The following NAV1 variants were observed in gnomAD, a reference collection of about 807,000 sequenced individuals.
The protein encoded by NAV1 is pore membrane and/or filament interacting like protein 3.
NAV1 carries 18 observed loss-of-function variants against 175.2 expected under a neutral mutation model. That is an observed-to-expected ratio of 0.10 (90% confidence interval 0.07 to 0.15). The LOEUF is 0.15. NAV1 is among the 10% of genes least tolerant of loss of function. NAV1 has a pLI of 1.00. For missense variants in NAV1, 1,731 were observed against 2,436.6 expected (o/e 0.71, Z 6.10); for synonymous variants, 897 against 978.7 (o/e 0.92, Z 1.56).
intron 1 of NAV1, among the ~76,000 whole-genome samples, chr1:201,675,437 G>C (rs926179563): frequency 6.6e-6 from 1 of 152,120 alleles, no homozygotes; most frequent in Non-Finnish European, 1.5e-5. Flanking sequence ...TGTAACCTCA[G>C]CTTCCTCTTC....
chr1:201,588,518 A>ATTT lies in NAV1; in HGVS notation c.-143-7_-143-5dup, dbSNP rs58689392. On this transcript the variant is annotated intron_variant, in intron 1 of 33. Coordinates refer to the NAV1 transcript ENST00000685211. Reference sequence around the variant, plus strand: ...AGGTGCCACCACACCCAGCTGATTAATTTTTTTTTTTTTTTTGTAGAGACA... The same window carrying ATTT: ...AGGTGCCACCACACCCAGCTGATTAATTTTTTTTTTTTTTTTTTTGTAGAGACA... 1.4e-3 allele frequency among the ~76,000 whole-genome samples: 190 copies of ATTT among 139,568 alleles called. 5 individuals are homozygous for ATTT. In the South Asian group the frequency reaches 0.034, roughly 25 times the overall value. The allele number at this position is 139,568 out of a possible 152,430, so 91.6% of individuals were successfully genotyped here. A position where few individuals can be genotyped will look rare whatever the true frequency, so the allele number is the denominator to read the frequency against.
At position 201,782,293 on chromosome 1, in the gene NAV1, C is replaced by T. The variant is rs1422341119; in HGVS notation, c.1781C>T (p.Ser594Leu). Reference sequence around the variant, plus strand: ...CTGAGTGATGCTAAGAAGCCCCCCTCGGGCATTGCTCGCCCCTCCACTTCG... The same window carrying T: ...CTGAGTGATGCTAAGAAGCCCCCCTTGGGCATTGCTCGCCCCTCCACTTCG... The change falls in exon 6 of 30, where the codon TCG becomes TTG. Residue 594 changes from serine (S) to leucine (L), a missense_variant. Transcript: ENST00000367296. This position sits in a 1 kb window ranked among gnomAD's most constrained non-coding sequence, Gnocchi z 5.4. 1.4e-5 allele frequency: 23 copies of T among 1,614,202 alleles called. No homozygotes were observed. Among genetic ancestry groups the T allele is most frequent in the Middle Eastern group, 1.6e-4 (1 of 6,062 alleles).
intron 13 of NAV1, chr1:201,793,542 G>T: frequency 2.1e-6 from 1 of 467,320 alleles, no homozygotes; most frequent in South Asian, 2.2e-5. Flanking sequence ...CAAGTCTCCA[G>T]GAGCCTCTGG....
At chr1:201,775,205 G>A (rs759885274) in intron 3 of NAV1, among the ~76,000 whole-genome samples, 10 of 152,296 alleles carry the variant, frequency 6.6e-5, no homozygotes, top group Non-Finnish European at 1.5e-4. Context: ...AGTAAAACAG[G>A]TAGTCTCTGG....
At chr1:201,622,839 C>T, upstream of NAV1, 1 of 985,850 alleles carries the variant, frequency 1.0e-6, no homozygotes. Context: ...TTTTTTTGCC[C>T]TCTCTCCCTG....
At chr1:201,720,854 G>A (rs1031262786) in intron 3 of NAV1, among the ~76,000 whole-genome samples, 6 of 151,882 alleles carry the variant, frequency 4.0e-5, no homozygotes, top group Non-Finnish European at 7.4e-5. Flanking sequence ...GATTCTTACC[G>A]TCAGGGGTGT....
intron 1 of NAV1, among the ~76,000 whole-genome samples, chr1:201,700,790 T>G (rs1671383932): frequency 6.6e-6 from 1 of 151,830 alleles, no homozygotes; most frequent in Non-Finnish European, 1.5e-5. Context: ...GGCGGGTGGA[T>G]CACGAGGTCA....
At chr1:201,765,002 G>A (rs1675109188) in intron 3 of NAV1, among the ~76,000 whole-genome samples, 1 of 152,224 alleles carries the variant, frequency 6.6e-6, no homozygotes, top group Non-Finnish European at 1.5e-5. Flanking sequence ...TCAGAAAGGA[G>A]AGTGAGCTAA....
intron 3 of NAV1, among the ~76,000 whole-genome samples, chr1:201,778,995 C>T (rs1457764120): frequency 1.3e-5 from 2 of 152,204 alleles, no homozygotes; most frequent in African/African-American, 4.8e-5. Flanking sequence ...TAATTCCTAC[C>T]GGCACAAACA....
At chr1:201,674,382 A>AGC (rs752034078) in intron 1 of NAV1, among the ~76,000 whole-genome samples, 15,725 of 151,506 alleles carry the variant, frequency 0.1, 1,053 homozygotes, top group African/African-American at 0.19. Flanking sequence ...TCCTGGAATG[A>AGC]GTGTGTGTTG....
chr1:201,772,132 G>A (rs1675627797), intron 3 of NAV1, among the ~76,000 whole-genome samples: 2 of 152,220 alleles, frequency 1.3e-5, no homozygotes, highest in Admixed American at 1.3e-4. Flanking sequence ...CTAGTGAAAA[G>A]ATGTGTGGAC....
chr1:201,813,159 G>T lies in NAV1; in HGVS notation c.5241G>T (p.Ser1747=), dbSNP rs148789473. The T allele has an allele frequency of 3.1e-6, 5 of 1,613,732 alleles. No individual in the cohort carries two copies. In the South Asian group the frequency reaches 5.5e-5, roughly 18 times the overall value. Residue 1747 remains serine, a synonymous_variant, in exon 28 of 30, where the codon TCG becomes TCT. Transcript: ENST00000367296. The surrounding 1 kb of genome is among the most constrained non-coding windows in gnomAD (Gnocchi z 4.2). ...CCCTAGGCCCTTGCTTCTTTCTGTC[G>T]TGTCCCATTGGCATTGAGGACTTCC...
At chr1:201,817,515 G>C (rs1456367655) in intron 29 of NAV1, among the ~76,000 whole-genome samples, 1 of 152,164 alleles carries the variant, frequency 6.6e-6, no homozygotes, top group Non-Finnish European at 1.5e-5. Context: ...TACATACACT[G>C]ATGGGGGCCT....
At chr1:201,585,524 GAC>G (rs911071675) in intron 1 of NAV1, among the ~76,000 whole-genome samples, 4 of 151,642 alleles carry the variant, frequency 2.6e-5, no homozygotes, top group African/African-American at 9.7e-5. Flanking sequence ...AAAGTGAAAA[GAC>G]AACCCACAGA....
intron 1 of NAV1, among the ~76,000 whole-genome samples, chr1:201,550,560 T>C (rs1340048369): frequency 1.3e-5 from 2 of 152,254 alleles, no homozygotes; most frequent in Non-Finnish European, 2.9e-5. Flanking sequence ...CCTGAACATA[T>C]GCAGAAATTA....
At chr1:201,578,226 G>A (rs916747288) in intron 1 of NAV1, among the ~76,000 whole-genome samples, 1 of 151,988 alleles carries the variant, frequency 6.6e-6, no homozygotes, top group African/African-American at 2.4e-5. Context: ...AATTTCTATT[G>A]TTCTATCTTC....
chr1:201,817,025 C>A, intron 28 of NAV1, 63 bp from the exon 33 acceptor site: 1 of 1,490,792 alleles, frequency 6.7e-7, no homozygotes, highest in Non-Finnish European at 9.2e-7. Context: ...TACCAAAAGA[C>A]TGCATGAACA....
chr1:201,642,367 C>G (rs1177131073), intron 2 of NAV1, among the ~76,000 whole-genome samples: 1 of 151,878 alleles, frequency 6.6e-6, no homozygotes, highest in Non-Finnish European at 1.5e-5. Context: ...CGCCCGCCAC[C>G]ACACCCAGCT....
At chr1:201,653,858 A>G (rs1669298015) in intron 1 of NAV1, among the ~76,000 whole-genome samples, 1 of 152,192 alleles carries the variant, frequency 6.6e-6, no homozygotes, top group South Asian at 2.1e-4. Context: ...GTATGTGTGT[A>G]GAGAAGGCAC....
Sources: allele counts gnomAD v4.1 joint callset (sites outside exome capture counted in the v4.1 genomes callset), GRCh38; gene constraint gnomAD v4.1.1; non-coding constraint Gnocchi (gnomAD v3.1); transcripts MANE v1.5; gene names NCBI Gene and HGNC (gene_info 2026-07-23, HGNC 2026-07-21).